The following NIM1K variants were observed in gnomAD, a reference collection of about 807,000 sequenced individuals.
NIM1K encodes NIM1 serine/threonine protein kinase, also known as serine/threonine-protein kinase NIM1.
NIM1K carries 35 observed loss-of-function variants against 37.1 expected under a neutral mutation model. The ratio of observed to expected loss-of-function variants is 0.94; its 90% CI spans 0.72 to 1.25. The LOEUF is 1.25. NIM1K is among the 50% of genes most tolerant of loss of function. The pLI is 0.00. For missense variants in NIM1K, 564 were observed against 548.0 expected (o/e 1.03, Z -0.29); for synonymous variants, 234 against 206.6 (o/e 1.13, Z -1.14).
chr5:43,248,359 A>C (rs897904627), intron 2 of NIM1K, among the ~76,000 whole-genome samples: 7 of 152,136 alleles, frequency 4.6e-5, no homozygotes, highest in Non-Finnish European at 1.0e-4. Flanking sequence ...AAGACTTTAA[A>C]ATTTTTGTGA....
intron 2 of NIM1K, among the ~76,000 whole-genome samples, chr5:43,255,929 G>A (rs555892309): frequency 3.2e-4 from 49 of 151,570 alleles, no homozygotes; most frequent in Non-Finnish European, 5.4e-4. Context: ...CGTAGCAGGC[G>A]TAAGAGTGTC....
At chr5:43,222,348 A>G (rs1752392283) in intron 1 of NIM1K, among the ~76,000 whole-genome samples, 2 of 152,202 alleles carry the variant, frequency 1.3e-5, no homozygotes, top group South Asian at 2.1e-4. Flanking sequence ...GAAGAAAACT[A>G]TTAGTGATAG....
At chr5:43,221,408 G>A (rs1031609228) in intron 1 of NIM1K, among the ~76,000 whole-genome samples, 4 of 140,020 alleles carry the variant, frequency 2.9e-5, no homozygotes, top group African/African-American at 8.1e-5. Flanking sequence ...CCAAGACTGC[G>A]CCACTGCACT....
At chr5:43,233,281 T>A in intron 1 of NIM1K, 1 of 501,876 alleles carries the variant, frequency 2.0e-6, no homozygotes, top group South Asian at 4.1e-5. Flanking sequence ...CCTATTATTT[T>A]CTTTCCTTCT....
chr5:43,277,386 C>A, intron 3 of NIM1K, 61 bp downstream of exon 3: 1 of 1,538,118 alleles, frequency 6.5e-7, no homozygotes, highest in South Asian at 1.2e-5. Flanking sequence ...GAGCACAGGG[C>A]TTTAGGTTAC....
At chr5:43,236,513 G>T (rs769250097) in intron 1 of NIM1K, among the ~76,000 whole-genome samples, 1 of 152,182 alleles carries the variant, frequency 6.6e-6, no homozygotes, top group Non-Finnish European at 1.5e-5. Context: ...TTAATTGCCA[G>T]TTTCTTTTCA....
chr5:43,261,966 A>C (rs953500916), intron 2 of NIM1K, among the ~76,000 whole-genome samples: 2 of 152,068 alleles, frequency 1.3e-5, no homozygotes, highest in African/African-American at 4.8e-5. Context: ...CCATTGGTCT[A>C]TCTCTCTGTT....
intron 1 of NIM1K, among the ~76,000 whole-genome samples, chr5:43,200,873 C>T (rs1027753409): frequency 6.6e-6 from 1 of 152,092 alleles, no homozygotes; most frequent in East Asian, 1.9e-4. Context: ...AGCCTGTAAT[C>T]CCAGCACTTT....
At chr5:43,279,298 T>C (rs1753401351) in intron 3 of NIM1K, among the ~76,000 whole-genome samples, 1 of 152,336 alleles carries the variant, frequency 6.6e-6, no homozygotes, top group East Asian at 1.9e-4. Flanking sequence ...CTGGTATAGT[T>C]GAACCTAGAA....
chr5:43,230,810 T>A lies in NIM1K; in HGVS notation c.-694-14272T>A, dbSNP rs1752527627. On this transcript the variant is annotated intron_variant, in intron 1 of 3. Transcript: ENST00000326035. ...TCCCCAATTCTGTACCTCACACTCC[T>A]TCCCCATTTGTCACCCACTAGTTCA... Among the ~76,000 whole-genome samples, 5 of 152,250 alleles carry A rather than the reference T, an allele frequency of 3.3e-5. No homozygotes were observed. In the South Asian group the frequency reaches 1.0e-3, roughly 31 times the overall value.
At chr5:43,269,584 C>A (rs1391232780) in intron 2 of NIM1K, among the ~76,000 whole-genome samples, 2 of 142,136 alleles carry the variant, frequency 1.4e-5, no homozygotes, top group South Asian at 2.2e-4. Context: ...TACCTGGATC[C>A]TTTTGTGTGT....
chr5:43,264,556 G>A (rs1479712426), intron 2 of NIM1K, among the ~76,000 whole-genome samples: 1 of 152,162 alleles, frequency 6.6e-6, no homozygotes, highest in African/African-American at 2.4e-5. Context: ...GCACACTGAT[G>A]CGTCTTGACT....
chr5:43,249,977 C>T (rs1237194465), intron 2 of NIM1K, among the ~76,000 whole-genome samples: 12 of 151,616 alleles, frequency 7.9e-5, no homozygotes, highest in South Asian at 2.1e-4. Context: ...CTCAACCTCC[C>T]GAGGAGCTGG....
At chr5:43,209,608 A>T (rs553453170) in intron 1 of NIM1K, among the ~76,000 whole-genome samples, 1 of 150,418 alleles carries the variant, frequency 6.6e-6, no homozygotes, top group Non-Finnish European at 1.5e-5. Context: ...TATTTATTTT[A>T]ATTTTATTTT....
Position 43,245,827 on chromosome 5 carries a change from C to A in NIM1K, c.52C>A (p.Arg18=). The change falls in exon 2 of 4, where the codon CGG becomes AGG. Residue 18 remains arginine, a synonymous_variant. Transcript: ENST00000326035. The stretch of plus-strand genomic sequence containing the variant: ...TGGCCTGGTGAACCCCCACTATGCC[C>A]GGTGGGATCGGCGCGACAGTGTAGA... ...GGGLVNPHYA[R]WDRRDSVESG... The A allele has an allele frequency of 6.2e-7, 1 of 1,613,322 alleles. No homozygotes were observed. The highest frequency in any genetic ancestry group is 1.7e-5 in the Admixed American group (1 of 59,986).
intron 1 of NIM1K, among the ~76,000 whole-genome samples, chr5:43,204,999 A>G (rs1271811474): frequency 6.6e-6 from 1 of 152,152 alleles, no homozygotes; most frequent in Non-Finnish European, 1.5e-5. Context: ...CTGTCTCAAA[A>G]AAACACGAAC....
rs527778808 is a variant in NIM1K at position 43,199,659 on chromosome 5, A to G, written c.-695+7248A>G. ...ACACCACACTAAGGTCTTACTGGCC[A>G]AAACTGTGTCTCAGAGCTATCCCTA... On this transcript the variant is annotated intron_variant, in intron 1 of 3. Transcript: ENST00000326035. Among the ~76,000 whole-genome samples, 200 of 152,338 alleles carry G rather than the reference A, an allele frequency of 1.3e-3. 1 individual carries two copies. The highest frequency in any genetic ancestry group is 4.6e-3 in the African/African-American group (190 of 41,590).
intron 1 of NIM1K, among the ~76,000 whole-genome samples, chr5:43,225,299 C>G: frequency 7.6e-6 from 1 of 131,030 alleles, no homozygotes. Flanking sequence ...AAGATAACTA[C>G]ATAGCTCAAA....
chr5:43,231,954 A>G (rs1171587964), intron 1 of NIM1K: 1 of 960,314 alleles, frequency 1.0e-6, no homozygotes, highest in Non-Finnish European at 1.6e-6. Flanking sequence ...GTACCAGTGA[A>G]CAAAAGCACT....
Sources: gnomAD v4.1 joint callset for allele counts (sites outside exome capture counted in the v4.1 genomes callset) on GRCh38, gnomAD v4.1.1 for gene constraint, MANE v1.5 for transcripts, NCBI Gene and HGNC (gene_info 2026-07-23, HGNC 2026-07-21) for gene names.